The following TNFSF4 variants were observed in gnomAD, a reference collection of about 807,000 sequenced individuals.
TNFSF4 encodes tumor necrosis factor ligand superfamily member 4.
TNFSF4 carries 4 observed loss-of-function variants against 7.3 expected under a neutral mutation model. The ratio of observed to expected loss-of-function variants is 0.55; its 90% CI spans 0.27 to 1.25. The LOEUF (loss-of-function observed/expected upper bound fraction) is 1.25. Among genes scored for constraint, TNFSF4 ranks in the 50% most tolerant of loss-of-function variants. TNFSF4 has a pLI of 0.12. For missense variants in TNFSF4, 181 were observed against 208.8 expected (o/e 0.87, Z 0.82); for synonymous variants, 76 against 83.7 (o/e 0.91, Z 0.50).
At chr1:173,255,398 G>A in the TNFSF4 span, among the ~76,000 whole-genome samples, 1 of 152,232 alleles carries the variant, frequency 6.6e-6, no homozygotes, top group South Asian at 2.1e-4. Context: ...GACCTCTAGG[G>A]GGAGCTCAAG....
At chr1:173,443,983 G>A in the TNFSF4 span, among the ~76,000 whole-genome samples, 1 of 152,072 alleles carries the variant, frequency 6.6e-6, no homozygotes, top group Non-Finnish European at 1.5e-5. Flanking sequence ...TGCCACAGAG[G>A]CCTAAGATTT....
chr1:173,261,065 C>G, the TNFSF4 span, among the ~76,000 whole-genome samples: 1 of 152,194 alleles, frequency 6.6e-6, no homozygotes, highest in Non-Finnish European at 1.5e-5. Flanking sequence ...GGCACTTACT[C>G]TAAAATCAAT....
At chr1:173,227,745 G>C in the TNFSF4 span, among the ~76,000 whole-genome samples, 98 of 152,296 alleles carry the variant, frequency 6.4e-4, no homozygotes, top group African/African-American at 2.3e-3. Context: ...CCCTAATACT[G>C]TGCTTTTCCA....
At chr1:173,200,551 T>G (rs997071659) in intron 1 of TNFSF4, among the ~76,000 whole-genome samples, 1 of 152,214 alleles carries the variant, frequency 6.6e-6, no homozygotes, top group African/African-American at 2.4e-5. Flanking sequence ...CACAAGTAAT[T>G]CAAAATATGT....
At chr1:173,302,107 T>C in the TNFSF4 span, among the ~76,000 whole-genome samples, 1 of 151,886 alleles carries the variant, frequency 6.6e-6, no homozygotes, top group Non-Finnish European at 1.5e-5. Context: ...TGAGACCCTG[T>C]GCAGGTCCTC....
chr1:173,380,420 T>C, the TNFSF4 span, among the ~76,000 whole-genome samples: 4 of 152,022 alleles, frequency 2.6e-5, no homozygotes, highest in Non-Finnish European at 4.4e-5. Context: ...AAAGACCCCA[T>C]CAGTGTAATT....
the TNFSF4 span, among the ~76,000 whole-genome samples, chr1:173,330,647 T>A: frequency 7.9e-5 from 12 of 152,230 alleles, no homozygotes; most frequent in East Asian, 2.3e-3. Context: ...TAACTGGATA[T>A]TAATAATTAT....
At chr1:173,427,828 T>C in the TNFSF4 span, among the ~76,000 whole-genome samples, 1 of 152,132 alleles carries the variant, frequency 6.6e-6, no homozygotes. Context: ...CTGAAAACTG[T>C]AGGCGACTGT....
At chr1:173,304,204 A>G in the TNFSF4 span, among the ~76,000 whole-genome samples, 1 of 151,940 alleles carries the variant, frequency 6.6e-6, no homozygotes, top group Non-Finnish European at 1.5e-5. Context: ...GGTATCTTTC[A>G]TTTCCATAGA....
chr1:173,262,921 T>C, the TNFSF4 span, among the ~76,000 whole-genome samples: 1 of 152,168 alleles, frequency 6.6e-6, no homozygotes, highest in East Asian at 1.9e-4. Context: ...CTTAAGCTGA[T>C]AAACAACTTC....
chr1:173,307,583 T>G, the TNFSF4 span, among the ~76,000 whole-genome samples: 1 of 151,942 alleles, frequency 6.6e-6, no homozygotes, highest in African/African-American at 2.4e-5. Context: ...TAGTGGCAAA[T>G]CTATGTTAAA....
At chr1:173,345,127 G>C in the TNFSF4 span, among the ~76,000 whole-genome samples, 16 of 152,190 alleles carry the variant, frequency 1.1e-4, no homozygotes, top group Non-Finnish European at 2.1e-4. Flanking sequence ...TAATGCAGAG[G>C]CCCTTTGTAA....
At chr1:173,382,352 C>T in the TNFSF4 span, among the ~76,000 whole-genome samples, 8 of 152,154 alleles carry the variant, frequency 5.3e-5, no homozygotes, top group African/African-American at 1.9e-4. Flanking sequence ...TCCGGACACA[C>T]CATCTTTAGG....
chr1:173,175,948 T>G, the TNFSF4 span, among the ~76,000 whole-genome samples: 2 of 152,154 alleles, frequency 1.3e-5, no homozygotes, highest in Admixed American at 6.5e-5. Context: ...TTTGTTTTTT[T>G]GTGTTTTTTT....
the TNFSF4 span, among the ~76,000 whole-genome samples, chr1:173,354,570 T>C: frequency 6.6e-6 from 1 of 152,210 alleles, no homozygotes. Flanking sequence ...TCCTGTTTTA[T>C]GGGTATCTTT....
chr1:173,323,339 G>C, the TNFSF4 span, among the ~76,000 whole-genome samples: 1 of 152,134 alleles, frequency 6.6e-6, no homozygotes, highest in South Asian at 2.1e-4. Context: ...ACTATTAGAA[G>C]GAAAACTAAC....
At chr1:173,189,019 C>A (rs996260946) in intron 1 of TNFSF4, among the ~76,000 whole-genome samples, 1 of 152,150 alleles carries the variant, frequency 6.6e-6, no homozygotes, top group African/African-American at 2.4e-5. Flanking sequence ...GTCGCCATGC[C>A]CGGCCCTGAC....
the TNFSF4 span, among the ~76,000 whole-genome samples, chr1:173,176,207 C>T: frequency 1.3e-5 from 2 of 152,080 alleles, no homozygotes; most frequent in African/African-American, 4.8e-5. Context: ...TAACTACCTT[C>T]AGAAAACAGT....
chr1:173,358,088 C>A, the TNFSF4 span, among the ~76,000 whole-genome samples: 25 of 152,188 alleles, frequency 1.6e-4, no homozygotes, highest in African/African-American at 5.5e-4. Context: ...CCAATGTAAT[C>A]ACAATGGTCC....
Sources: allele counts gnomAD v4.1 joint callset (sites outside exome capture counted in the v4.1 genomes callset), GRCh38; gene constraint gnomAD v4.1.1; transcripts MANE v1.5; gene names NCBI Gene and HGNC (gene_info 2026-07-23, HGNC 2026-07-21).